Variants in RAD51B observed in about 807,000 individuals in gnomAD.
RAD51B encodes the protein RAD51 paralog B.
In RAD51B, 38 loss-of-function variants were observed where a neutral mutation model predicts 42.2. The observed-to-expected ratio is 0.90, with a 90% CI of 0.70 to 1.18. The LOEUF is 1.18. Among genes scored for constraint, RAD51B ranks in the 50% most tolerant of loss-of-function variants. RAD51B has a pLI of 0.00. For missense variants in RAD51B, 373 were observed against 400.7 expected (o/e 0.93, Z 0.59); for synonymous variants, 154 against 145.2 (o/e 1.06, Z -0.43).
intron 7 of RAD51B, among the ~76,000 whole-genome samples, chr14:67,978,337 TTATAAA>T (rs1236656057): frequency 6.6e-6 from 1 of 152,214 alleles, no homozygotes; most frequent in Non-Finnish European, 1.5e-5. Flanking sequence ...AGTTAATGAC[TTATAAA>T]TATATTTCTT....
intron 8 of RAD51B, among the ~76,000 whole-genome samples, chr14:68,294,506 A>G (rs947840929): frequency 1.6e-4 from 25 of 152,230 alleles, no homozygotes; most frequent in Non-Finnish European, 1.5e-4. Context: ...TTTTGCTTCA[A>G]GCATTCATTG....
intron 8 of RAD51B, among the ~76,000 whole-genome samples, chr14:68,410,558 T>C (rs929489530): frequency 6.6e-6 from 1 of 151,656 alleles, no homozygotes; most frequent in African/African-American, 2.4e-5. Context: ...GAGGAGGCCT[T>C]GGGCACAGGG....
At chr14:68,331,302 A>G (rs2082342076) in intron 8 of RAD51B, among the ~76,000 whole-genome samples, 1 of 141,210 alleles carries the variant, frequency 7.1e-6, no homozygotes, top group Admixed American at 7.6e-5. Flanking sequence ...TGGGAGGCAG[A>G]GGTTGCAATG....
chr14:68,628,149 G>A (rs1370335096), intron 10 of RAD51B, among the ~76,000 whole-genome samples: 1 of 152,236 alleles, frequency 6.6e-6, no homozygotes, highest in Non-Finnish European at 1.5e-5. Flanking sequence ...TGACCCAAGT[G>A]TCCCAGTCTT....
At chr14:68,682,212 T>A (rs1367160371) in intron 11 of RAD51B, among the ~76,000 whole-genome samples, 1 of 152,134 alleles carries the variant, frequency 6.6e-6, no homozygotes, top group Non-Finnish European at 1.5e-5. Context: ...CAACTGAGAC[T>A]CAAACCCATC....
chr14:68,318,687 G>C (rs2082106200), intron 8 of RAD51B, among the ~76,000 whole-genome samples: 2 of 152,174 alleles, frequency 1.3e-5, no homozygotes, highest in African/African-American at 4.8e-5. Flanking sequence ...GAATAGCCAG[G>C]CTGCAGCTGT....
At chr14:67,989,965 G>A (rs1006927388) in intron 7 of RAD51B, among the ~76,000 whole-genome samples, 1 of 148,180 alleles carries the variant, frequency 6.7e-6, no homozygotes, top group Admixed American at 6.7e-5. Context: ...TCAAATGGTA[G>A]CCATATACAG....
At chr14:68,276,654 G>T (rs1204686251) in intron 7 of RAD51B, among the ~76,000 whole-genome samples, 1 of 152,146 alleles carries the variant, frequency 6.6e-6, no homozygotes, top group Non-Finnish European at 1.5e-5. Context: ...AGGGGAATTA[G>T]TATGGAACTG....
intron 10 of RAD51B, chr14:68,541,673 T>G (rs1887976423): frequency 2.0e-6 from 2 of 985,352 alleles, no homozygotes; most frequent in Non-Finnish European, 2.4e-6. Context: ...GGGCCTTGTT[T>G]GGGCCTGAAG....
chr14:68,427,339 C>G (rs1297460237), intron 9 of RAD51B, among the ~76,000 whole-genome samples: 4 of 152,198 alleles, frequency 2.6e-5, no homozygotes, highest in Admixed American at 6.5e-5. Flanking sequence ...CAGCCTCGGA[C>G]AGCTGAAGCA....
At chr14:68,557,765 A>G (rs1026983473) in intron 10 of RAD51B, among the ~76,000 whole-genome samples, 3 of 152,208 alleles carry the variant, frequency 2.0e-5, no homozygotes, top group Non-Finnish European at 4.4e-5. Context: ...TCAAAGGAAC[A>G]GGTCCTGATA....
chr14:67,861,892 A>C (rs950548400), intron 4 of RAD51B, among the ~76,000 whole-genome samples: 1 of 152,136 alleles, frequency 6.6e-6, no homozygotes, highest in African/African-American at 2.4e-5. Flanking sequence ...GTGTCTTATG[A>C]AAATTTATCT....
intron 7 of RAD51B, among the ~76,000 whole-genome samples, chr14:68,101,959 G>A (rs1304898119): frequency 1.3e-5 from 2 of 152,192 alleles, no homozygotes; most frequent in African/African-American, 4.8e-5. Context: ...CTAAGTGGAG[G>A]TTCCCAAACC....
intron 10 of RAD51B, among the ~76,000 whole-genome samples, chr14:68,627,830 AT>A (rs1456141230): frequency 6.6e-6 from 1 of 152,168 alleles, no homozygotes; most frequent in Non-Finnish European, 1.5e-5. Context: ...TCTGCATAAA[AT>A]TTCATTAATT....
At chr14:68,670,139 G>A (rs1893124798) in intron 11 of RAD51B, among the ~76,000 whole-genome samples, 1 of 152,242 alleles carries the variant, frequency 6.6e-6, no homozygotes, top group South Asian at 2.1e-4. Context: ...CAGCCACTAT[G>A]TTATTGTAAC....
At chr14:68,581,567 G>A (rs146880305) in intron 10 of RAD51B, among the ~76,000 whole-genome samples, 14 of 152,122 alleles carry the variant, frequency 9.2e-5, no homozygotes, top group South Asian at 6.2e-4. Context: ...AAGAAATGTC[G>A]GGCCTCATAC....
At chr14:68,663,517 A>G (rs372887722) in intron 11 of RAD51B, among the ~76,000 whole-genome samples, 1 of 152,250 alleles carries the variant, frequency 6.6e-6, no homozygotes. Flanking sequence ...CCCCGCTGCT[A>G]GCCCTGGAGG....
chr14:68,664,083 G>A (rs1157651649), intron 11 of RAD51B, among the ~76,000 whole-genome samples: 2 of 152,126 alleles, frequency 1.3e-5, no homozygotes, highest in Non-Finnish European at 2.9e-5. Flanking sequence ...TTGGACCTCA[G>A]GTAATCTGCC....
intron 11 of RAD51B, among the ~76,000 whole-genome samples, chr14:68,652,612 A>T (rs912960658): frequency 6.6e-5 from 10 of 152,132 alleles, no homozygotes; most frequent in African/African-American, 2.2e-4. Flanking sequence ...TTCTTCTTGG[A>T]TCCTGGACGC....
Sources: gnomAD v4.1 joint callset for allele counts (sites outside exome capture counted in the v4.1 genomes callset) on GRCh38, gnomAD v4.1.1 for gene constraint, MANE v1.5 for transcripts, NCBI Gene and HGNC (gene_info 2026-07-23, HGNC 2026-07-21) for gene names.